The following CNTNAP2 variants were observed in gnomAD, a reference collection of about 807,000 sequenced individuals.
The protein encoded by CNTNAP2 is contactin associated protein 2.
Under a neutral mutation model 155.2 loss-of-function variants are expected in CNTNAP2, and 98 were observed. That is an observed-to-expected ratio of 0.63 (90% CI 0.54 to 0.75). The LOEUF is 0.75. CNTNAP2 is among the 30% of genes least tolerant of loss of function. The probability of loss-of-function intolerance (pLI) is 0.00; values close to 1 mark genes in which losing one functional copy is unlikely to be tolerated. For synonymous variants in CNTNAP2, 651 were observed against 631.2 expected, an observed-to-expected ratio of 1.03 and a Z score of -0.47; for missense variants, 1,727 against 1,688.1, an observed-to-expected ratio of 1.02 and a Z score of -0.40.
At chr7:147,526,332 T>C (rs755818332) in intron 11 of CNTNAP2, among the ~76,000 whole-genome samples, 1 of 152,180 alleles carries the variant, frequency 6.6e-6, no homozygotes, top group Non-Finnish European at 1.5e-5. Context: ...CTTTCTCTTG[T>C]GGACTAAGGA....
At chr7:147,931,475 C>T (rs908745674) in intron 14 of CNTNAP2, among the ~76,000 whole-genome samples, 1 of 152,108 alleles carries the variant, frequency 6.6e-6, no homozygotes, top group African/African-American at 2.4e-5. Flanking sequence ...CAAAGCCAGA[C>T]AAGAATATTA....
intron 1 of CNTNAP2, among the ~76,000 whole-genome samples, chr7:146,121,575 G>A (rs1207126548): frequency 1.3e-5 from 2 of 152,124 alleles, no homozygotes; most frequent in Non-Finnish European, 2.9e-5. Flanking sequence ...CTCTAGTCCT[G>A]ATTTGTGAAG....
Position 146,425,793 on chromosome 7 carries a change from T to A in CNTNAP2, c.97+308820T>A, listed in dbSNP as rs145688115. Reference sequence around the variant, plus strand: ...TCTAAGTGAACCCTATGTGGTAGGTTTTTATTATTATGATTATTGTCTTCC... The same window carrying A: ...TCTAAGTGAACCCTATGTGGTAGGTATTTATTATTATGATTATTGTCTTCC... On this transcript the variant is annotated intron_variant, in intron 1 of 23. Transcript: ENST00000361727. 2.2e-3 allele frequency among the ~76,000 whole-genome samples: 342 copies of A among 152,216 alleles called. 2 individuals carry two copies. The highest frequency in any genetic ancestry group is 7.8e-3 in the African/African-American group (323 of 41,530).
chr7:146,571,137 G>A (rs558935414), intron 1 of CNTNAP2, among the ~76,000 whole-genome samples: 2 of 151,998 alleles, frequency 1.3e-5, no homozygotes, highest in South Asian at 2.1e-4. Flanking sequence ...TTGACTCATC[G>A]GCTCTATTAG....
At chr7:146,702,165 T>C (rs1008071717) in intron 1 of CNTNAP2, among the ~76,000 whole-genome samples, 5 of 152,166 alleles carry the variant, frequency 3.3e-5, no homozygotes, top group African/African-American at 1.2e-4. Flanking sequence ...TTGGTATCCA[T>C]TTAATCCTAC....
chr7:146,808,385 A>G (rs1803006155), intron 2 of CNTNAP2, among the ~76,000 whole-genome samples: 1 of 152,216 alleles, frequency 6.6e-6, no homozygotes, highest in South Asian at 2.1e-4. Flanking sequence ...ATATATTTCA[A>G]CTAAGATGGT....
chr7:147,419,050 A>G (rs1473077649), intron 10 of CNTNAP2, among the ~76,000 whole-genome samples: 4 of 152,212 alleles, frequency 2.6e-5, no homozygotes, highest in South Asian at 2.1e-4. Context: ...AATATAATCT[A>G]TGAAGAAAGA....
chr7:147,292,442 A>G (rs1805335115), intron 8 of CNTNAP2, among the ~76,000 whole-genome samples: 1 of 151,990 alleles, frequency 6.6e-6, no homozygotes, highest in Admixed American at 6.6e-5. Context: ...TTTTTTGCTT[A>G]TTTTGAATAT....
intron 8 of CNTNAP2, among the ~76,000 whole-genome samples, chr7:147,244,231 C>T (rs1421240950): frequency 1.3e-5 from 2 of 152,166 alleles, no homozygotes; most frequent in African/African-American, 4.8e-5. Context: ...ACCTACTCTC[C>T]ACAGAGTGTG....
chr7:146,825,599 A>G (rs940898285), intron 2 of CNTNAP2, among the ~76,000 whole-genome samples: 3 of 152,152 alleles, frequency 2.0e-5, no homozygotes, highest in African/African-American at 7.2e-5. Flanking sequence ...TTTATAACCT[A>G]TGTTTTCAAG....
At chr7:148,248,489 G>A (rs922767529) in intron 20 of CNTNAP2, among the ~76,000 whole-genome samples, 4 of 152,250 alleles carry the variant, frequency 2.6e-5, no homozygotes, top group Non-Finnish European at 5.9e-5. Flanking sequence ...GAGCTACCAC[G>A]CCCGGCCTAC....
chr7:147,109,487 T>C (rs1800831266), intron 5 of CNTNAP2, among the ~76,000 whole-genome samples: 1 of 152,136 alleles, frequency 6.6e-6, no homozygotes, highest in African/African-American at 2.4e-5. Context: ...CTTTCGATTA[T>C]GGAAGTTGAT....
chr7:146,999,267 A>C (rs1563038237), intron 3 of CNTNAP2, among the ~76,000 whole-genome samples: 1 of 150,918 alleles, frequency 6.6e-6, no homozygotes, highest in Non-Finnish European at 1.5e-5. Flanking sequence ...AAGACAAAGC[A>C]AAAGCAAAAA....
chr7:147,851,466 T>G (rs912067593), intron 13 of CNTNAP2, among the ~76,000 whole-genome samples: 1 of 152,140 alleles, frequency 6.6e-6, no homozygotes, highest in Non-Finnish European at 1.5e-5. Flanking sequence ...TAAAGACACA[T>G]GCACACGTAT....
rs182639604 is a variant in CNTNAP2 at position 147,074,818 on chromosome 7, G to T, written c.550+30764G>T. Reference sequence around the variant, plus strand: ...CTATTGAAAGTGAGATTGCCATCAAGAATTCTCAAAACCTTCTGGGGTGAG... The same window carrying T: ...CTATTGAAAGTGAGATTGCCATCAATAATTCTCAAAACCTTCTGGGGTGAG... On this transcript the variant is annotated intron_variant, in intron 4 of 23. Transcript: ENST00000361727. Among the ~76,000 whole-genome samples, 188 of 152,202 alleles carry T rather than the reference G, an allele frequency of 1.2e-3. 3 individuals carry two copies. Among genetic ancestry groups the T allele is most frequent in the African/African-American group, 4.0e-3 (165 of 41,530 alleles).
intron 8 of CNTNAP2, among the ~76,000 whole-genome samples, chr7:147,279,693 A>G (rs1195570318): frequency 6.6e-6 from 1 of 151,860 alleles, no homozygotes; most frequent in Non-Finnish European, 1.5e-5. Flanking sequence ...CTTACTATAC[A>G]CCAGGCATTG....
intron 3 of CNTNAP2, among the ~76,000 whole-genome samples, chr7:146,887,294 G>A (rs934167382): frequency 4.6e-5 from 7 of 151,488 alleles, no homozygotes; most frequent in Non-Finnish European, 8.8e-5. Context: ...GATTACGGGC[G>A]CCCACCACCA....
intron 1 of CNTNAP2, among the ~76,000 whole-genome samples, chr7:146,273,404 A>C (rs191076323): frequency 3.9e-5 from 6 of 152,270 alleles, no homozygotes; most frequent in African/African-American, 1.4e-4. Flanking sequence ...GTGAAGTGCC[A>C]GCTAGTAAGT....
intron 1 of CNTNAP2, among the ~76,000 whole-genome samples, chr7:146,117,574 A>G (rs374586063): frequency 1.3e-5 from 2 of 152,198 alleles, no homozygotes; most frequent in African/African-American, 4.8e-5. Context: ...TGACTGATGC[A>G]GTACGGTACT....
Sources: allele counts gnomAD v4.1 joint callset (sites outside exome capture counted in the v4.1 genomes callset), GRCh38; gene constraint gnomAD v4.1.1; transcripts MANE v1.5; gene names NCBI Gene and HGNC (gene_info 2026-07-23, HGNC 2026-07-21).